Variants in UGDH observed in about 807,000 individuals in gnomAD.
The protein encoded by UGDH is UDP-glucose 6-dehydrogenase, also known as UDP-Glc dehydrogenase.
UGDH carries 38 observed loss-of-function variants against 50.6 expected under a neutral mutation model. The observed-to-expected ratio is 0.75, with a 90% CI of 0.58 to 0.98. The LOEUF (loss-of-function observed/expected upper bound fraction) is 0.98, where lower values mean the gene tolerates loss of function less well. Among genes scored for constraint, UGDH ranks in the 50% least tolerant of loss-of-function variants. The probability of loss-of-function intolerance (pLI) is 0.00; values close to 1 mark genes in which losing one functional copy is unlikely to be tolerated. For synonymous variants in UGDH, 168 were observed against 199.9 expected (o/e 0.84, Z 1.35); for missense variants, 465 against 606.2 (o/e 0.77, Z 2.45).
At chr4:39,506,575 A>C (rs1311056491) in intron 7 of UGDH, among the ~76,000 whole-genome samples, 1 of 152,206 alleles carries the variant, frequency 6.6e-6, no homozygotes, top group East Asian at 1.9e-4. Context: ...ATGAACCATA[A>C]CACCACAACT....
intron 11 of UGDH, among the ~76,000 whole-genome samples, chr4:39,500,576 A>C (rs1236683205): frequency 6.6e-6 from 1 of 152,110 alleles, no homozygotes; most frequent in African/African-American, 2.4e-5. Flanking sequence ...CAGTGAGTTC[A>C]TATTTTATTT....
chr4:39,519,066 G>A (rs1054814278), intron 2 of UGDH, among the ~76,000 whole-genome samples: 6 of 151,964 alleles, frequency 3.9e-5, no homozygotes, highest in South Asian at 2.1e-4. Context: ...ACAGGCGTGA[G>A]CCACCACACC....
intron 11 of UGDH, among the ~76,000 whole-genome samples, chr4:39,503,329 G>A (rs983682468): frequency 2.6e-5 from 4 of 152,200 alleles, no homozygotes; most frequent in Admixed American, 6.5e-5. Context: ...GATTACAGGT[G>A]TGAACCACTA....
intron 1 of UGDH, among the ~76,000 whole-genome samples, chr4:39,523,622 T>A (rs1266726938): frequency 6.6e-6 from 1 of 151,966 alleles, no homozygotes; most frequent in East Asian, 1.9e-4. Context: ...CTGATCAACA[T>A]GACAAAACCC....
At position 39,509,983 on chromosome 4, in the gene UGDH, G is replaced by A. The variant is rs988235272; in HGVS notation, c.664-76C>T. On this transcript the variant is annotated intron_variant, in intron 5 of 11. Coordinates refer to ENST00000316423, the MANE Select transcript of UGDH (RefSeq NM_003359.4). Reference sequence around the variant, plus strand: ...TTATACATCTAGTTTATATTTCATTGCGTTGACGCAAATTACTGAGGGAGA... The same window carrying A: ...TTATACATCTAGTTTATATTTCATTACGTTGACGCAAATTACTGAGGGAGA... 4 of 1,460,384 alleles carry A rather than the reference G, an allele frequency of 2.7e-6. No homozygotes were observed. The African/African-American group carries it at 5.7e-5, about 21-fold the overall frequency. The allele number at this position is 1,460,384 out of a possible 1,614,324, so 90.5% of individuals were successfully genotyped here.
chr4:39,510,777 C>G lies in UGDH; in HGVS notation c.349G>C (p.Val117Leu), dbSNP rs1263944470. Residue 117 changes from valine to leucine, a missense_variant, in exon 4 of 12, where the codon GTG (valine) becomes CTG (leucine). Physicochemically the swap from Val to Leu is conservative, Grantham distance 32. Coordinates refer to ENST00000316423, the MANE Select transcript of UGDH (RefSeq NM_003359.4). ...KYIEACARRI[V>L]QNSNGYKIVT... ...ATTTTGTACCCATTTGAGTTTTGCA[C>G]AATGCGTCTAGCACAAGCTTCAATA... 1 of 1,614,226 alleles carries G rather than the reference C, an allele frequency of 6.2e-7. No individual in the cohort carries two copies. The highest frequency in any genetic ancestry group is 2.2e-5 in the East Asian group (1 of 44,890).
intron 11 of UGDH, among the ~76,000 whole-genome samples, chr4:39,502,581 C>T (rs1745862400): frequency 6.6e-6 from 1 of 152,108 alleles, no homozygotes; most frequent in African/African-American, 2.4e-5. Context: ...ACTTACTCCA[C>T]CTCCCCATCC....
In UGDH at chr4:39,500,214, G is replaced by A; in HGVS notation, c.1414C>T (p.Pro472Ser). ...GGAATTTCACCAGAAGGAGCATATG[G>A]AATTCTCTTTGAAGACACCTTTTTG... Reference protein sequence around the residue: ...IGKKVSSKRIPYAPSGEIPKF... With the variant: ...IGKKVSSKRISYAPSGEIPKF... Residue 472 changes from proline (P) to serine (S), a missense_variant, in exon 12 of 12, where the codon CCA becomes TCA. Coordinates refer to ENST00000316423, the MANE Select transcript of UGDH (RefSeq NM_003359.4). 6.2e-7 allele frequency: 1 copy of A among 1,602,534 alleles called. No individual in the cohort carries two copies. The highest frequency in any genetic ancestry group is 8.5e-7 in the Non-Finnish European group (1 of 1,173,954).
intron 11 of UGDH, among the ~76,000 whole-genome samples, chr4:39,501,337 T>C (rs71606174): frequency 0.012 from 1,739 of 149,544 alleles, 14 homozygotes; most frequent in Non-Finnish European, 0.02. Context: ...TGCAGTGGCG[T>C]GATCTCGGCT....
chr4:39,505,378 A>G lies in UGDH; in HGVS notation c.1038-8T>C, dbSNP rs112622837. The G allele has an allele frequency of 2.0e-6, 2 of 1,009,016 alleles. No homozygotes were observed. Among genetic ancestry groups the G allele is most frequent in the South Asian group, 4.6e-5 (2 of 43,256 alleles). The allele number at this position is 1,009,016 out of a possible 1,614,324, so 62.5% of individuals were successfully genotyped here. A position where few individuals can be genotyped will look rare whatever the true frequency, so the allele number is the denominator to read the frequency against. ...TATATACTAGAAGATTCTCTATAGG[A>G]AAAAAAAAATCAGTATTGGTAAGCT... On this transcript the variant is annotated splice_polypyrimidine_tract_variant and splice_region_variant and intron_variant, in intron 8 of 11. Transcript: ENST00000316423.
intron 3 of UGDH, 76 bp from the exon 4 acceptor site, chr4:39,510,937 T>C (rs1174248526): frequency 6.9e-7 from 1 of 1,459,716 alleles, no homozygotes; most frequent in Non-Finnish European, 9.6e-7. Context: ...AACTACTGGT[T>C]AAAGTGTGGA....
intron 1 of UGDH, 174 bp from the exon 2 acceptor site, chr4:39,521,693 T>C (rs1395548548): frequency 1.8e-5 from 9 of 508,010 alleles, no homozygotes; most frequent in East Asian, 1.7e-4. Context: ...AACATTCCAA[T>C]TGGATGACCT....
Position 39,500,012 on chromosome 4 carries a change from A to T in UGDH, c.*131T>A, listed in dbSNP as rs931850463. 5.3e-6 allele frequency: 3 copies of T among 562,574 alleles called. No homozygotes were observed. The highest frequency in any genetic ancestry group is 9.3e-6 in the Non-Finnish European group (3 of 321,974). 34.8% of individuals were successfully genotyped at this position (562,574 alleles called of 1,614,324 possible). On this transcript the variant is annotated 3_prime_UTR_variant, in exon 12 of 12. Coordinates refer to ENST00000316423, the MANE Select transcript of UGDH (RefSeq NM_003359.4). ...ACCACTGCACTCCAGCCTGGGCAAC[A>T]GTGAGACTCTGTCTCAAAAAAAAAA...
chr4:39,523,488 C>T (rs1181274391), intron 1 of UGDH, among the ~76,000 whole-genome samples: 1 of 152,102 alleles, frequency 6.6e-6, no homozygotes, highest in Non-Finnish European at 1.5e-5. Flanking sequence ...GTATTCTTAG[C>T]CATATGAAAT....
chr4:39,501,710 G>C (rs1006866556), intron 11 of UGDH, among the ~76,000 whole-genome samples: 6 of 152,164 alleles, frequency 3.9e-5, no homozygotes, highest in African/African-American at 1.4e-4. Flanking sequence ...TTAACTCAAA[G>C]GGTCGTGGTA....
At chr4:39,511,770 C>T (rs541951812) in intron 3 of UGDH, among the ~76,000 whole-genome samples, 170 of 145,652 alleles carry the variant, frequency 1.2e-3, no homozygotes, top group South Asian at 4.6e-3. Context: ...AGTGCAGTGG[C>T]GCGATCTCGG....
intron 6 of UGDH, among the ~76,000 whole-genome samples, chr4:39,509,392 C>G (rs1005440247): frequency 2.0e-5 from 3 of 152,128 alleles, no homozygotes; most frequent in Admixed American, 2.0e-4. Flanking sequence ...AGCTCAAAAG[C>G]AGCCATAGAC....
At chr4:39,505,890 T>G in intron 7 of UGDH, 142 bp from the exon 8 acceptor site, 10 of 755,194 alleles carry the variant, frequency 1.3e-5, no homozygotes, top group Non-Finnish European at 1.9e-5. Context: ...AACCAAACTC[T>G]AGTGCCTATG....
intron 1 of UGDH, chr4:39,526,986 GC>G: frequency 7.8e-7 from 1 of 1,285,152 alleles, no homozygotes. Context: ...TTTGGAGGCG[GC>G]AGGGAAATCT....
Sources: allele counts gnomAD v4.1 joint callset (sites outside exome capture counted in the v4.1 genomes callset), GRCh38; gene constraint gnomAD v4.1.1; transcripts MANE v1.5; gene names NCBI Gene and HGNC (gene_info 2026-07-23, HGNC 2026-07-21).